The following ESRRG variants were observed in gnomAD, a reference collection of about 807,000 sequenced individuals.
ESRRG encodes estrogen-related receptor gamma.
Under a neutral mutation model 44.0 loss-of-function variants are expected in ESRRG, and 13 were observed. The ratio of observed to expected loss-of-function variants is 0.30; its 90% confidence interval spans 0.19 to 0.47. The LOEUF is 0.47. Among genes scored for constraint, ESRRG ranks in the 20% least tolerant of loss-of-function variants. ESRRG has a pLI of 1.00. For missense variants in ESRRG, 395 were observed against 580.6 expected, an observed-to-expected ratio of 0.68 and a Z score of 3.29; for synonymous variants, 215 against 214.6, an observed-to-expected ratio of 1.00 and a Z score of -0.02.
At chr1:216,515,790 A>G (rs2044082806) in intron 6 of ESRRG, among the ~76,000 whole-genome samples, 1 of 152,130 alleles carries the variant, frequency 6.6e-6, no homozygotes, top group Non-Finnish European at 1.5e-5. Flanking sequence ...GACTCGAGCA[A>G]CAGAGAATTG....
intron 5 of ESRRG, among the ~76,000 whole-genome samples, chr1:216,531,773 T>C (rs1253192697): frequency 6.6e-6 from 1 of 152,076 alleles, no homozygotes; most frequent in Non-Finnish European, 1.5e-5. Context: ...CAAATGTAGC[T>C]GCAGTTAAAA....
At chr1:217,017,265 T>C (rs2789553) in intron 1 of ESRRG, among the ~76,000 whole-genome samples, 2,051 of 152,210 alleles carry the variant, frequency 0.013, 17 homozygotes, top group Middle Eastern at 0.031. Context: ...GAAAATGCAA[T>C]ACATTACAGT....
chr1:216,974,133 C>G (rs1326457556), intron 1 of ESRRG, among the ~76,000 whole-genome samples: 1 of 152,104 alleles, frequency 6.6e-6, no homozygotes, highest in African/African-American at 2.4e-5. Flanking sequence ...AAGTAGGTAA[C>G]TTTCAACTAT....
At chr1:216,698,661 A>C (rs1470472536) in intron 1 of ESRRG, among the ~76,000 whole-genome samples, 1 of 152,144 alleles carries the variant, frequency 6.6e-6, no homozygotes, top group Non-Finnish European at 1.5e-5. Context: ...TAGAGGCATT[A>C]ACTTTTCAGA....
intron 2 of ESRRG, among the ~76,000 whole-genome samples, chr1:216,797,179 C>T (rs888007092): frequency 3.3e-5 from 5 of 152,088 alleles, no homozygotes; most frequent in Non-Finnish European, 5.9e-5. Context: ...TGTGAGCCAC[C>T]GTGCGCGGCC....
At chr1:216,896,195 C>T (rs765675631) in intron 2 of ESRRG, among the ~76,000 whole-genome samples, 13 of 152,108 alleles carry the variant, frequency 8.5e-5, no homozygotes, top group Admixed American at 1.3e-4. Context: ...AGGGTCATTG[C>T]TATTAATTGG....
At chr1:216,818,405 G>C (rs939393222) in intron 2 of ESRRG, among the ~76,000 whole-genome samples, 2 of 152,158 alleles carry the variant, frequency 1.3e-5, no homozygotes, top group African/African-American at 2.4e-5. Flanking sequence ...AAATTGTAGA[G>C]GAATAAGGAA....
chr1:216,727,184 G>A (rs984660823), upstream of ESRRG, among the ~76,000 whole-genome samples: 6 of 151,946 alleles, frequency 3.9e-5, no homozygotes, highest in African/African-American at 7.3e-5. Flanking sequence ...AACTAAACAA[G>A]GCATAACAAA....
At chr1:216,773,127 A>C (rs1455702735) in intron 2 of ESRRG, among the ~76,000 whole-genome samples, 1 of 152,120 alleles carries the variant, frequency 6.6e-6, no homozygotes, top group Non-Finnish European at 1.5e-5. Context: ...TAACCAAAGA[A>C]TCTCAATCAA....
rs573150988 is a variant in ESRRG, at chr1:216,889,887, T to G, written c.-14+49695A>C. On this transcript the variant is annotated intron_variant, in intron 2 of 7. Coordinates refer to the ESRRG transcript ENST00000359162. ...GATGAAAAGGTCTCTTTTTATTTAC[T>G]TTAACCAGGTTAAAAATACTGAAAT... is the stretch of plus-strand genomic sequence containing the variant. Among the ~76,000 whole-genome samples, 14 of 152,314 alleles carry G rather than the reference T, an allele frequency of 9.2e-5. No individual in the cohort carries two copies. The East Asian group carries it at 2.5e-3, about 27-fold the overall frequency.
intron 1 of ESRRG, among the ~76,000 whole-genome samples, chr1:217,033,418 T>A (rs2082367525): frequency 6.6e-6 from 1 of 152,182 alleles, no homozygotes; most frequent in Non-Finnish European, 1.5e-5. Flanking sequence ...TTATTGAAAT[T>A]CTCCCTCCTA....
intron 1 of ESRRG, among the ~76,000 whole-genome samples, chr1:216,702,885 G>A (rs1019565343): frequency 5.9e-5 from 9 of 151,294 alleles, no homozygotes; most frequent in Admixed American, 4.0e-4. Context: ...GTCCATATTC[G>A]ATCAGAGAAA....
chr1:216,702,879 A>G (rs10495033), intron 1 of ESRRG, among the ~76,000 whole-genome samples: 22,123 of 151,956 alleles, frequency 0.15, 1,677 homozygotes, highest in East Asian at 0.27. Flanking sequence ...AGTCCTGTCC[A>G]TATTCGATCA....
At chr1:216,925,145 T>C (rs755917151) in intron 2 of ESRRG, among the ~76,000 whole-genome samples, 5 of 152,128 alleles carry the variant, frequency 3.3e-5, no homozygotes, top group Admixed American at 2.0e-4. Flanking sequence ...ACTGTTGTTA[T>C]AAAAACATGT....
chr1:217,086,920 ATT>A (rs145847258), intron 1 of ESRRG, among the ~76,000 whole-genome samples: 8 of 146,944 alleles, frequency 5.4e-5, no homozygotes, highest in Middle Eastern at 3.5e-3. Flanking sequence ...CACACAAGAC[ATT>A]TTTTTTTTAA....
chr1:216,530,218 AC>A (rs1436353594), intron 5 of ESRRG, among the ~76,000 whole-genome samples: 1 of 151,952 alleles, frequency 6.6e-6, no homozygotes, highest in Non-Finnish European at 1.5e-5. Flanking sequence ...TATTGTAAGA[AC>A]CTTTTAAAAA....
At chr1:217,121,026 G>T (rs2092811355) in intron 1 of ESRRG, among the ~76,000 whole-genome samples, 1 of 152,034 alleles carries the variant, frequency 6.6e-6, no homozygotes, top group Non-Finnish European at 1.5e-5. Context: ...TGGAATAAAT[G>T]AAACAGAGCA....
rs546955013 is a variant in ESRRG, at chr1:216,639,686, A to G, written c.589+11287T>C. ...AGACATAATAAAATTATGATTGTGC[A>G]GCCTATGTAGAAAAGATTTAATAGA... On this transcript the variant is annotated intron_variant, in intron 3 of 6. Coordinates refer to ENST00000408911, the MANE Select transcript of ESRRG (RefSeq NM_001438.4). Among the ~76,000 whole-genome samples the G allele has an allele frequency of 3.9e-5, 6 of 152,350 alleles. No individual in the cohort carries two copies. The East Asian group carries it at 1.2e-3, about 29-fold the overall frequency.
At chr1:216,657,501 A>T (rs369661478) in intron 2 of ESRRG, among the ~76,000 whole-genome samples, 39 of 152,280 alleles carry the variant, frequency 2.6e-4, no homozygotes, top group African/African-American at 9.4e-4. Flanking sequence ...TTGCATTTTG[A>T]CATGAAGCCC....
Sources: allele counts gnomAD v4.1 joint callset (sites outside exome capture counted in the v4.1 genomes callset), GRCh38; gene constraint gnomAD v4.1.1; transcripts MANE v1.5; gene names NCBI Gene and HGNC (gene_info 2026-07-23, HGNC 2026-07-21).